NREP: variants seen among roughly 807,000 people sequenced by gnomAD.
NREP encodes the protein neuronal regeneration related protein.
A neutral mutation model predicts 8.6 loss-of-function variants in NREP; 5 were observed. The ratio of observed to expected loss-of-function variants is 0.58; its 90% CI spans 0.30 to 1.22. The LOEUF (loss-of-function observed/expected upper bound fraction) is 1.22. Ranked by LOEUF, NREP falls within the 50% of genes most tolerant of loss-of-function variation. The pLI is 0.07. For missense variants in NREP, 86 were observed against 82.5 expected (o/e 1.04, Z -0.17); for synonymous variants, 27 against 28.0 (o/e 0.96, Z 0.11).
chr5:111,897,469 C>G (rs1003970612), intron 2 of NREP, among the ~76,000 whole-genome samples: 1 of 152,116 alleles, frequency 6.6e-6, no homozygotes, highest in African/African-American at 2.4e-5. Context: ...CCTATGCTCC[C>G]TCTATATAAT....
At chr5:111,820,071 G>A (rs1321001398) in intron 2 of NREP, among the ~76,000 whole-genome samples, 1 of 152,048 alleles carries the variant, frequency 6.6e-6, no homozygotes, top group Non-Finnish European at 1.5e-5. Flanking sequence ...TCCTTGCCTG[G>A]TCTCCATAGC....
intron 2 of NREP, among the ~76,000 whole-genome samples, chr5:111,775,373 G>GAGCCCACAA: frequency 6.6e-6 from 1 of 152,118 alleles, no homozygotes; most frequent in Non-Finnish European, 1.5e-5. Context: ...GCTGCCCTAG[G>GAGCCCACAA]GTAGCAGGAG....
intron 2 of NREP, among the ~76,000 whole-genome samples, chr5:111,871,704 C>A (rs1282289412): frequency 6.6e-6 from 1 of 151,740 alleles, no homozygotes; most frequent in Non-Finnish European, 1.5e-5. Flanking sequence ...AGCTAAGACA[C>A]AAACCATCTA....
chr5:111,878,154 G>C (rs1475554537), intron 2 of NREP, among the ~76,000 whole-genome samples: 1 of 152,112 alleles, frequency 6.6e-6, no homozygotes, highest in Non-Finnish European at 1.5e-5. Flanking sequence ...TTAAACCCAA[G>C]CTTAGCTGTA....
intron 3 of NREP, chr5:111,732,730 C>A (rs1248639011): frequency 6.6e-6 from 1 of 151,648 alleles, no homozygotes; most frequent in African/African-American, 2.4e-5. Context: ...CCAGCCCGAC[C>A]CCACCTCACC....
intron 2 of NREP, among the ~76,000 whole-genome samples, chr5:111,870,131 G>A (rs1336700253): frequency 6.6e-6 from 1 of 152,116 alleles, no homozygotes; most frequent in Non-Finnish European, 1.5e-5. Context: ...AGCATGACAT[G>A]AATAATTAGC....
intron 2 of NREP, among the ~76,000 whole-genome samples, chr5:111,923,892 G>A (rs1327278184): frequency 6.6e-6 from 1 of 152,034 alleles, no homozygotes; most frequent in East Asian, 1.9e-4. Context: ...AATCAAGGTG[G>A]TTAAAGACCC....
Position 111,964,871 on chromosome 5 carries a change from A to T in NREP, c.135+10403T>A, listed in dbSNP as rs1371978257. On this transcript the variant is annotated intron_variant, in intron 2 of 3. Transcript: ENST00000395634. ...TTTCAGCAGCAAAAAAAAAAAAAAA[A>T]AAAAAAAAAAAAAAAAAAAAAAAAG... is the stretch of plus-strand genomic sequence containing the variant. 2.5e-3 allele frequency among the ~76,000 whole-genome samples: 292 copies of T among 114,930 alleles called. 1 individual carries two copies. Among genetic ancestry groups the T allele is most frequent in the Non-Finnish European group, 3.7e-3 (227 of 61,770 alleles). The allele number at this position is 114,930 out of a possible 152,430, so 75.4% of individuals were successfully genotyped here.
At chr5:111,906,443 G>T (rs1237841165) in intron 2 of NREP, among the ~76,000 whole-genome samples, 3 of 152,166 alleles carry the variant, frequency 2.0e-5, no homozygotes, top group African/African-American at 7.2e-5. Context: ...ACAATTTTAA[G>T]AATACAGACT....
chr5:111,911,837 T>C (rs1754920614), intron 2 of NREP, among the ~76,000 whole-genome samples: 1 of 152,114 alleles, frequency 6.6e-6, no homozygotes, highest in Admixed American at 6.6e-5. Flanking sequence ...ACTCATTGCC[T>C]ACCTACTATG....
At chr5:111,746,709 C>T (rs985095085) in intron 2 of NREP, among the ~76,000 whole-genome samples, 2 of 152,072 alleles carry the variant, frequency 1.3e-5, no homozygotes, top group African/African-American at 4.8e-5. Flanking sequence ...CTGGAAATAT[C>T]AAAGTAGCAA....
intron 2 of NREP, among the ~76,000 whole-genome samples, chr5:111,841,451 G>T (rs1487239843): frequency 6.6e-6 from 1 of 152,138 alleles, no homozygotes; most frequent in Non-Finnish European, 1.5e-5. Context: ...TAGAAAGCTG[G>T]TCTCTATAGC....
At chr5:111,912,938 T>C (rs1339900327) in intron 2 of NREP, among the ~76,000 whole-genome samples, 1 of 152,154 alleles carries the variant, frequency 6.6e-6, no homozygotes, top group Non-Finnish European at 1.5e-5. Context: ...ACAAAGTGTT[T>C]AAGAAATATT....
intron 2 of NREP, among the ~76,000 whole-genome samples, chr5:111,816,511 T>G (rs1227493503): frequency 2.0e-5 from 3 of 152,092 alleles, no homozygotes; most frequent in Admixed American, 2.0e-4. Flanking sequence ...GTCTGAGAAG[T>G]ACTAAAATTA....
chr5:111,964,890 A>AAAAAAAAAAAAAAAAAAAAAAT (rs1561372291), intron 2 of NREP, among the ~76,000 whole-genome samples: 1 of 135,848 alleles, frequency 7.4e-6, no homozygotes, highest in Non-Finnish European at 1.5e-5. Context: ...AAAAAAAAAA[A>AAAAAAAAAAAAAAAAAAAAAAT]AAAAAGAAAC....
chr5:111,755,566 C>G, intron 2 of NREP: 1 of 614,014 alleles, frequency 1.6e-6, no homozygotes. Flanking sequence ...AAAATAATTG[C>G]AAGTCAAAGA....
intron 1 of NREP, among the ~76,000 whole-genome samples, chr5:111,756,832 T>C (rs1050714925): frequency 7.2e-5 from 11 of 152,142 alleles, no homozygotes; most frequent in African/African-American, 2.2e-4. Flanking sequence ...AACAAGGCTT[T>C]AGGAGCAAGA....
intron 2 of NREP, among the ~76,000 whole-genome samples, chr5:111,811,240 G>A (rs1388463561): frequency 6.6e-6 from 1 of 152,072 alleles, no homozygotes; most frequent in Non-Finnish European, 1.5e-5. Context: ...CCCAGTCTCT[G>A]ATGAATCCTT....
chr5:111,784,896 A>C (rs556710746), intron 2 of NREP, among the ~76,000 whole-genome samples: 1 of 152,332 alleles, frequency 6.6e-6, no homozygotes, highest in African/African-American at 2.4e-5. Flanking sequence ...CTATCTGGGA[A>C]AGAAATTACT....
Sources: gnomAD v4.1 joint callset for allele counts (sites outside exome capture counted in the v4.1 genomes callset) on GRCh38, gnomAD v4.1.1 for gene constraint, MANE v1.5 for transcripts, NCBI Gene and HGNC (gene_info 2026-07-23, HGNC 2026-07-21) for gene names.